The following ERI3 variants were observed in gnomAD, a reference collection of about 807,000 sequenced individuals.
ERI3 encodes the protein ERI1 exoribonuclease family member 3.
ERI3 carries 18 observed loss-of-function variants against 44.4 expected under a neutral mutation model. That is an observed-to-expected ratio of 0.41 (90% CI 0.28 to 0.60). The LOEUF is 0.60. Among genes scored for constraint, ERI3 ranks in the 20% least tolerant of loss-of-function variants. The pLI is 0.36. For missense variants in ERI3, 294 were observed against 435.5 expected (o/e 0.68, Z 2.89); for synonymous variants, 183 against 164.8 (o/e 1.11, Z -0.84).
chr1:44,266,135 C>T (rs558941605), intron 7 of ERI3, among the ~76,000 whole-genome samples: 1 of 152,324 alleles, frequency 6.6e-6, no homozygotes, highest in South Asian at 2.1e-4. Context: ...GGCTCTAGCA[C>T]CATGCCTAGC....
intron 7 of ERI3, among the ~76,000 whole-genome samples, chr1:44,271,978 T>A (rs534524660): frequency 6.6e-6 from 1 of 152,322 alleles, no homozygotes; most frequent in African/African-American, 2.4e-5. Context: ...AGTCTCTTTT[T>A]CCTAGCTCCT....
At chr1:44,242,419 A>G (rs1235655056) in intron 8 of ERI3, among the ~76,000 whole-genome samples, 1 of 152,238 alleles carries the variant, frequency 6.6e-6, no homozygotes, top group East Asian at 1.9e-4. Flanking sequence ...AAAGTCCCAC[A>G]TCCTATCAGA....
chr1:44,257,274 T>A (rs75370770), intron 7 of ERI3, among the ~76,000 whole-genome samples: 285 of 151,954 alleles, frequency 1.9e-3, no homozygotes, highest in African/African-American at 6.8e-3. Context: ...CAACAGGAGG[T>A]ATGGAAATTC....
chr1:44,322,955 C>A (rs958548140), intron 3 of ERI3: 49 of 1,416,828 alleles, frequency 3.5e-5, no homozygotes, highest in Non-Finnish European at 4.6e-5. Context: ...AGATTTGTGA[C>A]AATGTGCCCA....
intron 1 of ERI3, chr1:44,353,705 G>A (rs1646941291): frequency 2.0e-6 from 2 of 985,448 alleles, no homozygotes; most frequent in South Asian, 9.4e-5. Context: ...TGGAAGAAAA[G>A]CTCTTAGCCA....
At chr1:44,234,669 A>C (rs1644264547) in intron 8 of ERI3, among the ~76,000 whole-genome samples, 1 of 152,190 alleles carries the variant, frequency 6.6e-6, no homozygotes, top group Admixed American at 6.5e-5. Context: ...AAAAAACAGC[A>C]ACAGCAACAA....
At chr1:44,276,667 T>C (rs1645186184) in intron 7 of ERI3, among the ~76,000 whole-genome samples, 1 of 152,214 alleles carries the variant, frequency 6.6e-6, no homozygotes, top group Non-Finnish European at 1.5e-5. Flanking sequence ...ATATCCACTA[T>C]ACCAATTCCT....
intron 2 of ERI3, among the ~76,000 whole-genome samples, chr1:44,341,347 T>C (rs1646648813): frequency 1.3e-5 from 2 of 152,208 alleles, no homozygotes; most frequent in African/African-American, 4.8e-5. Context: ...GCCTAATATA[T>C]ATTATCCTAA....
intron 6 of ERI3, among the ~76,000 whole-genome samples, chr1:44,301,024 G>A (rs182804552): frequency 2.0e-5 from 3 of 152,274 alleles, no homozygotes; most frequent in Admixed American, 2.0e-4. Context: ...TCAGGGTGAG[G>A]GCCAGGATTC....
intron 8 of ERI3, chr1:44,242,051 A>G (rs772712003): frequency 3.0e-6 from 3 of 985,720 alleles, no homozygotes; most frequent in Non-Finnish European, 2.4e-6. Context: ...CCCTCTCCCC[A>G]GGCACTATCC....
chr1:44,253,793 G>T (rs1223094241), intron 7 of ERI3, among the ~76,000 whole-genome samples: 1 of 152,150 alleles, frequency 6.6e-6, no homozygotes, highest in Non-Finnish European at 1.5e-5. Context: ...GAAGCCATGA[G>T]ACTCGGTGAA....
At chr1:44,342,822 T>TTTATATATATAA (rs1646685450) in intron 2 of ERI3, among the ~76,000 whole-genome samples, 1 of 12,968 alleles carries the variant, frequency 7.7e-5, no homozygotes, top group Non-Finnish European at 1.5e-4. Context: ...AATATATATA[T>TTTATATATATAA]ATATATATAT....
At chr1:44,316,826 C>T (rs888583349) in intron 4 of ERI3, among the ~76,000 whole-genome samples, 1 of 152,004 alleles carries the variant, frequency 6.6e-6, no homozygotes, top group Non-Finnish European at 1.5e-5. Context: ...TGCAGCAGCC[C>T]AGCTGCTAGA....
intron 8 of ERI3, among the ~76,000 whole-genome samples, chr1:44,227,724 A>C (rs1030202924): frequency 6.6e-6 from 1 of 152,170 alleles, no homozygotes; most frequent in African/African-American, 2.4e-5. Context: ...GGGCCAAGGC[A>C]GTGAGTTTAG....
intron 6 of ERI3, among the ~76,000 whole-genome samples, chr1:44,292,674 C>T (rs1423308331): frequency 6.6e-6 from 1 of 152,224 alleles, no homozygotes; most frequent in Non-Finnish European, 1.5e-5. Context: ...CCTCCATTCT[C>T]CTCTGCCTGC....
chr1:44,285,730 G>C (rs2154323493), intron 6 of ERI3, among the ~76,000 whole-genome samples: 1 of 152,350 alleles, frequency 6.6e-6, no homozygotes, highest in South Asian at 2.1e-4. Flanking sequence ...AAAGGGCTCA[G>C]TTTGTTCAGA....
In ERI3 at chr1:44,258,825, TAGA is replaced by T. The variant is rs1235297327; in HGVS notation, c.832-10790_832-10788del. On this transcript the variant is annotated intron_variant, in intron 7 of 8. Coordinates refer to ENST00000372257, the MANE Select transcript of ERI3 (RefSeq NM_024066.3). Reference sequence around the variant, plus strand: ...CACCCAGGAAGAAAGTAAAAACCTTTAGAATCAGATGAAGCCCTTCTCTTCTCT... The same window carrying T: ...CACCCAGGAAGAAAGTAAAAACCTTTATCAGATGAAGCCCTTCTCTTCTCT... Among the ~76,000 whole-genome samples the T allele has an allele frequency of 3.9e-5, 6 of 152,214 alleles. No homozygotes were observed. The East Asian group carries it at 1.2e-3, about 29-fold the overall frequency.
rs538552533 is a variant in ERI3 at position 44,352,902 on chromosome 1, T to C, written c.159A>G (p.Thr53=). 6.2e-7 allele frequency: 1 copy of C among 1,614,196 alleles called. No homozygotes were observed. Among genetic ancestry groups the C allele is most frequent in the South Asian group, 1.1e-5 (1 of 91,082 alleles). ...CGGCAGCTGGGGATGCTGAAGGTTC[T>C]GTGAGAGCTGGAAAGCCCCAATGCT... ...HPGHWGFPAL[T]EPSASPAAGL... Residue 53 remains threonine, a synonymous_variant, in exon 2 of 9, where the codon ACA becomes ACG. Coordinates refer to ENST00000372257, the MANE Select transcript of ERI3 (RefSeq NM_024066.3).
At chr1:44,274,379 G>C (rs1489517279) in intron 7 of ERI3, among the ~76,000 whole-genome samples, 1 of 152,142 alleles carries the variant, frequency 6.6e-6, no homozygotes, top group Non-Finnish European at 1.5e-5. Flanking sequence ...CCAAAACCTG[G>C]TAATTGTAAA....
Sources: allele counts gnomAD v4.1 joint callset (sites outside exome capture counted in the v4.1 genomes callset), GRCh38; gene constraint gnomAD v4.1.1; transcripts MANE v1.5; gene names NCBI Gene and HGNC (gene_info 2026-07-23, HGNC 2026-07-21).